CSRNP3: variants seen among roughly 807,000 people sequenced by gnomAD.
CSRNP3 encodes cysteine/serine-rich nuclear protein 3.
CSRNP3 carries 12 observed loss-of-function variants against 48.0 expected under a neutral mutation model. The observed-to-expected ratio is 0.25, with a 90% CI of 0.16 to 0.41. The LOEUF is 0.41. Ranked by LOEUF, CSRNP3 falls within the 10% of genes least tolerant of loss-of-function variation. The pLI is 1.00. For synonymous variants in CSRNP3, 263 were observed against 269.7 expected (o/e 0.98, Z 0.24); for missense variants, 580 against 724.4 (o/e 0.80, Z 2.29).
chr2:165,476,334 A>C (rs1377832032), intron 1 of CSRNP3, among the ~76,000 whole-genome samples: 1 of 152,212 alleles, frequency 6.6e-6, no homozygotes, highest in African/African-American at 2.4e-5. Flanking sequence ...GGGGTTTACT[A>C]TGCCTCAGGG....
At chr2:165,572,074 T>G (rs1039059717) in intron 3 of CSRNP3, among the ~76,000 whole-genome samples, 1 of 152,178 alleles carries the variant, frequency 6.6e-6, no homozygotes, top group Non-Finnish European at 1.5e-5. Context: ...AAGTTCTCCT[T>G]CCTTAAATTA....
intron 4 of CSRNP3, among the ~76,000 whole-genome samples, chr2:165,635,857 C>T (rs1686618931): frequency 6.6e-6 from 1 of 152,080 alleles, no homozygotes; most frequent in African/African-American, 2.4e-5. Context: ...ATGCAACTTT[C>T]CCTCCATCTC....
intron 1 of CSRNP3, 133 bp from the exon 2 acceptor site, chr2:165,494,626 G>A (rs1019221303): frequency 5.9e-5 from 9 of 152,684 alleles, no homozygotes; most frequent in African/African-American, 1.4e-4. Flanking sequence ...CAACATTATG[G>A]GGAGAATAAT....
intron 5 of CSRNP3, among the ~76,000 whole-genome samples, chr2:165,668,426 CAG>C (rs1687272572): frequency 9.1e-6 from 1 of 109,824 alleles, no homozygotes; most frequent in East Asian, 2.9e-4. Context: ...TTTTTTGAGA[CAG>C]AGTCTCGCTG....
chr2:165,475,337 C>T (rs911195090), intron 1 of CSRNP3, among the ~76,000 whole-genome samples: 6 of 152,156 alleles, frequency 3.9e-5, no homozygotes, highest in African/African-American at 1.4e-4. Context: ...GCCCACTGAA[C>T]TTACCTAGAG....
rs1368204994 is a variant in CSRNP3, at chr2:165,687,324, GTTGT to G, written c.*7578_*7581del. ...CTAGGTTTTCATTTTTGCTGTTGTT[GTTGT>G]TTGTTTTTGTGATTGCTCTTATGTC... On this transcript the variant is annotated 3_prime_UTR_variant, in exon 7 of 7. Coordinates refer to ENST00000651982, the MANE Select transcript of CSRNP3 (RefSeq NM_001172173.2). 2 of 152,038 alleles carry G rather than the reference GTTGT, an allele frequency of 1.3e-5. No individual in the cohort carries two copies. The highest frequency in any genetic ancestry group is 4.8e-5 in the African/African-American group (2 of 41,414). The allele number at this position is 152,038 out of a possible 1,614,324, so 9.4% of individuals were successfully genotyped here.
At position 165,578,287 on chromosome 2, in the gene CSRNP3, C is replaced by T. The variant is rs575112930; in HGVS notation, c.-23-16756C>T. Among the ~76,000 whole-genome samples, 10 of 152,138 alleles carry T rather than the reference C, an allele frequency of 6.6e-5. No homozygotes were observed. The South Asian group carries it at 1.9e-3, about 28-fold the overall frequency. ...GCTTGCTCAATTCTTTATCTCCATG[C>T]AAGCTTATGAATCCACATATTCATT... On this transcript the variant is annotated intron_variant, in intron 3 of 6. Transcript: ENST00000651982.
chr2:165,666,946 G>GAGAGGAAGGAAGGAA (rs1558968111), intron 5 of CSRNP3, among the ~76,000 whole-genome samples: 8 of 112,704 alleles, frequency 7.1e-5, no homozygotes, highest in Admixed American at 3.8e-4. Flanking sequence ...AAGAAAGAAA[G>GAGAGGAAGGAAGGAA]AGAGAGAGGA....
At position 165,686,271 on chromosome 2, in the gene CSRNP3, C is replaced by T. The variant is rs1687629403; in HGVS notation, c.*6518C>T. The T allele has an allele frequency of 6.6e-6, 1 of 152,168 alleles. No individual in the cohort carries two copies. Among genetic ancestry groups the T allele is most frequent in the African/African-American group, 2.4e-5 (1 of 41,544 alleles). The allele number at this position is 152,168 out of a possible 1,614,324, so 9.4% of individuals were successfully genotyped here. ...CACTGGATAAGGCCACTACCCCCGA[C>T]CCTTCTTGTCAGGGACATGGCTTCC... On this transcript the variant is annotated 3_prime_UTR_variant, in exon 7 of 7. Transcript: ENST00000651982.
chr2:165,537,004 A>T (rs1684890310), intron 3 of CSRNP3, among the ~76,000 whole-genome samples: 1 of 151,864 alleles, frequency 6.6e-6, no homozygotes, highest in Admixed American at 6.6e-5. Context: ...ACCAGGATAC[A>T]TAAAACAAAC....
chr2:165,524,404 A>T (rs1215297238), intron 3 of CSRNP3, among the ~76,000 whole-genome samples: 1 of 152,218 alleles, frequency 6.6e-6, no homozygotes, highest in Non-Finnish European at 1.5e-5. Context: ...ATAGGTATTT[A>T]TGTGACTTTG....
intron 4 of CSRNP3, among the ~76,000 whole-genome samples, chr2:165,653,549 A>G (rs1026896517): frequency 6.6e-6 from 1 of 152,218 alleles, no homozygotes; most frequent in Non-Finnish European, 1.5e-5. Context: ...CTGGGAAAGC[A>G]TGATGCAATA....
chr2:165,668,958 T>C (rs548143256), intron 5 of CSRNP3, among the ~76,000 whole-genome samples: 1 of 152,356 alleles, frequency 6.6e-6, no homozygotes, highest in South Asian at 2.1e-4. Flanking sequence ...AGCTAGACTT[T>C]GGCAAATTAT....
intron 3 of CSRNP3, among the ~76,000 whole-genome samples, chr2:165,572,000 G>C (rs1051072804): frequency 3.3e-5 from 5 of 152,156 alleles, no homozygotes; most frequent in South Asian, 2.1e-4. Flanking sequence ...GTAGCGCAAG[G>C]CTCTTTAATA....
chr2:165,510,203 A>G lies in CSRNP3; in HGVS notation c.-112-7670A>G, dbSNP rs531747224. On this transcript the variant is annotated intron_variant, in intron 2 of 6. Coordinates refer to ENST00000651982, the MANE Select transcript of CSRNP3 (RefSeq NM_001172173.2). ...ACGCTCTGTTTTTTTGAAATAACTA[A>G]CCCAACCCAGGTCACACTCAAGGTC... Among the ~76,000 whole-genome samples, 5 of 152,230 alleles carry G rather than the reference A, an allele frequency of 3.3e-5. No homozygotes were observed. In the South Asian group the frequency reaches 1.0e-3, roughly 32 times the overall value.
intron 1 of CSRNP3, among the ~76,000 whole-genome samples, chr2:165,474,540 TG>T (rs1226632168): frequency 6.6e-6 from 1 of 152,172 alleles, no homozygotes; most frequent in Non-Finnish European, 1.5e-5. Context: ...GGGACTGCCG[TG>T]TAGAGAGAAT....
intron 5 of CSRNP3, among the ~76,000 whole-genome samples, chr2:165,666,973 AAG>A (rs1313287418): frequency 0.046 from 958 of 20,850 alleles, 16 homozygotes; most frequent in Non-Finnish European, 0.11. Flanking sequence ...GAAGGAAGGA[AAG>A]AGAGAGAGGA....
intron 3 of CSRNP3, among the ~76,000 whole-genome samples, chr2:165,545,603 G>C (rs1162714389): frequency 1.3e-5 from 2 of 152,018 alleles, no homozygotes; most frequent in African/African-American, 4.8e-5. Context: ...TTATTTCAAG[G>C]TTATGAATTC....
intron 5 of CSRNP3, among the ~76,000 whole-genome samples, chr2:165,675,331 C>G (rs1254955976): frequency 2.0e-5 from 3 of 152,110 alleles, no homozygotes; most frequent in Non-Finnish European, 2.9e-5. Context: ...AAAATCCCTT[C>G]TGTATTTAGA....
Sources: allele counts gnomAD v4.1 joint callset (sites outside exome capture counted in the v4.1 genomes callset), GRCh38; gene constraint gnomAD v4.1.1; transcripts MANE v1.5; gene names NCBI Gene and HGNC (gene_info 2026-07-23, HGNC 2026-07-21).